The following TENM4 variants were observed in gnomAD, a reference collection of about 807,000 sequenced individuals.
TENM4 encodes teneurin-4.
Under a neutral mutation model 243.3 loss-of-function variants are expected in TENM4, and 82 were observed. That is an observed-to-expected ratio of 0.34 (90% CI 0.28 to 0.40). TENM4 has a LOEUF of 0.40. Ranked by LOEUF, TENM4 falls within the 10% of genes least tolerant of loss-of-function variation. TENM4 has a pLI of 1.00. For missense variants in TENM4, 3,138 were observed against 3,673.3 expected, an observed-to-expected ratio of 0.85 and a Z score of 3.77; for synonymous variants, 1,412 against 1,456.3, an observed-to-expected ratio of 0.97 and a Z score of 0.69.
At position 78,996,585 on chromosome 11, in the gene TENM4, C is replaced by G. The variant is rs1049377316; in HGVS notation, c.493+68153G>C. Among the ~76,000 whole-genome samples, 3 of 152,244 alleles carry G rather than the reference C, an allele frequency of 2.0e-5. No individual in the cohort carries two copies. The East Asian group carries it at 5.8e-4, about 29-fold the overall frequency. ...AGTTTGTTACACAGCAAAGGATACC[C>G]AGAAGGGATAGGAAGGTTTGCTCTC... On this transcript the variant is annotated intron_variant, in intron 6 of 33. Transcript: ENST00000278550.
At chr11:79,292,962 A>T (rs1856381692) in intron 2 of TENM4, among the ~76,000 whole-genome samples, 1 of 152,164 alleles carries the variant, frequency 6.6e-6, no homozygotes, top group Non-Finnish European at 1.5e-5. Flanking sequence ...GTACCCTGTT[A>T]AAGGCTGAGA....
At chr11:79,404,551 G>A (rs2135561320) in intron 1 of TENM4, among the ~76,000 whole-genome samples, 1 of 152,316 alleles carries the variant, frequency 6.6e-6, no homozygotes, top group East Asian at 1.9e-4. Context: ...ACAACACTGT[G>A]AATGTTTTAA....
At chr11:79,133,931 T>G (rs2137169500) in intron 4 of TENM4, among the ~76,000 whole-genome samples, 1 of 152,176 alleles carries the variant, frequency 6.6e-6, no homozygotes, top group South Asian at 2.1e-4. Flanking sequence ...TTCTGAGAAC[T>G]GGAATAAGAC....
chr11:78,979,934 T>C (rs566994087), intron 6 of TENM4, among the ~76,000 whole-genome samples: 3 of 152,340 alleles, frequency 2.0e-5, no homozygotes, highest in South Asian at 4.1e-4. Context: ...TAAGCTCCCT[T>C]AGAGTTCCAA....
intron 1 of TENM4, among the ~76,000 whole-genome samples, chr11:79,435,421 G>A (rs1459623580): frequency 6.6e-6 from 1 of 152,160 alleles, no homozygotes; most frequent in African/African-American, 2.4e-5. Context: ...CAAAGATGGA[G>A]TGATTCAGCT....
Position 78,657,796 on chromosome 11 carries a change from A to G in TENM4, c.*262T>C. ...AACGACAAGGGAAAAATCCTCAAGG[A>G]AAAAGGGAACAAAAGACAATAAAGT... On this transcript the variant is annotated 3_prime_UTR_variant, in exon 34 of 34. Coordinates refer to ENST00000278550, the MANE Select transcript of TENM4 (RefSeq NM_001098816.3). 1.8e-6 allele frequency: 1 copy of G among 564,256 alleles called. No individual in the cohort carries two copies. Among genetic ancestry groups the G allele is most frequent in the South Asian group, 2.0e-5 (1 of 49,324 alleles). 35.0% of individuals were successfully genotyped at this position (564,256 alleles called of 1,614,324 possible).
At chr11:78,895,033 G>A (rs1338319511) in intron 7 of TENM4, among the ~76,000 whole-genome samples, 1 of 137,272 alleles carries the variant, frequency 7.3e-6, no homozygotes, top group Non-Finnish European at 1.6e-5. Flanking sequence ...TATTCAGAAT[G>A]CTACTACCGC....
At chr11:79,003,413 G>A (rs1013076814) in intron 6 of TENM4, among the ~76,000 whole-genome samples, 1 of 151,934 alleles carries the variant, frequency 6.6e-6, no homozygotes, top group Admixed American at 6.6e-5. Context: ...GAAGGGGAAG[G>A]TCTCCTACAA....
chr11:78,989,880 C>G (rs1857999221), intron 6 of TENM4, among the ~76,000 whole-genome samples: 1 of 151,748 alleles, frequency 6.6e-6, no homozygotes, highest in African/African-American at 2.4e-5. Context: ...ATAACGAAAC[C>G]CCATCTCTAC....
intron 1 of TENM4, among the ~76,000 whole-genome samples, chr11:79,339,508 TC>T (rs1857207264): frequency 1.3e-5 from 2 of 152,262 alleles, no homozygotes; most frequent in South Asian, 4.1e-4. Flanking sequence ...CAGCACTTGC[TC>T]CCTGCTCCTG....
chr11:79,019,932 C>A lies in TENM4; in HGVS notation c.493+44806G>T, dbSNP rs191596504. On this transcript the variant is annotated intron_variant, in intron 6 of 33. Transcript: ENST00000278550. ...AAAGGTGAAAGTGAAAGACAGGTGC[C>A]AAGGCCTTCAGGCACCTGAGTACCT... is the stretch of plus-strand genomic sequence containing the variant. Among the ~76,000 whole-genome samples the A allele has an allele frequency of 8.3e-3, 1,262 of 152,274 alleles. 9 individuals carry two copies. Among genetic ancestry groups the A allele is most frequent in the Non-Finnish European group, 0.014 (964 of 67,992 alleles).
chr11:78,757,669 G>A (rs1174612107), intron 18 of TENM4, among the ~76,000 whole-genome samples: 1 of 152,244 alleles, frequency 6.6e-6, no homozygotes. Context: ...AGACATTTAG[G>A]AGGTAAAACT....
At chr11:78,933,138 G>A (rs936775837) in intron 6 of TENM4, among the ~76,000 whole-genome samples, 1 of 152,122 alleles carries the variant, frequency 6.6e-6, no homozygotes, top group Non-Finnish European at 1.5e-5. Context: ...TTTGACTGTG[G>A]AATAGGCTTC....
At position 78,805,446 on chromosome 11, in the gene TENM4, T is replaced by A. The variant is rs1183248766; in HGVS notation, c.2025A>T (p.Arg675Ser). 1.3e-6 allele frequency: 2 copies of A among 1,597,542 alleles called. No homozygotes were observed. Among genetic ancestry groups the A allele is most frequent in the Non-Finnish European group, 1.7e-6 (2 of 1,171,902 alleles). ...ATCCCACAGAGCAGTGGCATTCGCCTCTCACGCAGACACCCCGGCCTGAAC... is the reference window on the plus strand; with the variant it reads ...ATCCCACAGAGCAGTGGCATTCGCCACTCACGCAGACACCCCGGCCTGAAC... ...PTCSGRGVCV[R>S]GECHCSVGWG... Residue 675 changes from arginine to serine, a missense_variant, in exon 15 of 34, where the codon AGA becomes AGT. Coordinates refer to ENST00000278550, the MANE Select transcript of TENM4 (RefSeq NM_001098816.3).
At chr11:79,072,012 A>G (rs1267568423) in intron 4 of TENM4, among the ~76,000 whole-genome samples, 1 of 152,164 alleles carries the variant, frequency 6.6e-6, no homozygotes, top group East Asian at 1.9e-4. Flanking sequence ...ATCAAATTAT[A>G]TTACTGAGGC....
chr11:79,129,752 C>T (rs903373354), intron 4 of TENM4, among the ~76,000 whole-genome samples: 6 of 152,134 alleles, frequency 3.9e-5, no homozygotes, highest in African/African-American at 4.8e-5. Flanking sequence ...AGAGTCTGAG[C>T]TCAGACATGC....
At chr11:79,213,947 T>G (rs1863998470) in intron 3 of TENM4, among the ~76,000 whole-genome samples, 1 of 152,070 alleles carries the variant, frequency 6.6e-6, no homozygotes, top group African/African-American at 2.4e-5. Flanking sequence ...AGTGCCTCAG[T>G]AAATGTGACC....
intron 4 of TENM4, among the ~76,000 whole-genome samples, chr11:79,133,581 A>C (rs1413166005): frequency 6.6e-6 from 1 of 152,176 alleles, no homozygotes. Flanking sequence ...ATCTTAATGA[A>C]CATAGATGCT....
intron 19 of TENM4, among the ~76,000 whole-genome samples, chr11:78,741,629 T>C (rs1855931977): frequency 6.6e-6 from 1 of 152,254 alleles, no homozygotes; most frequent in African/African-American, 2.4e-5. Context: ...ATAATGGCTG[T>C]GTTTAACAAC....
Sources: allele counts gnomAD v4.1 joint callset (sites outside exome capture counted in the v4.1 genomes callset), GRCh38; gene constraint gnomAD v4.1.1; transcripts MANE v1.5; gene names NCBI Gene and HGNC (gene_info 2026-07-23, HGNC 2026-07-21).